Variants in HPCAL1 observed in about 807,000 individuals in gnomAD.
The protein encoded by HPCAL1 is hippocalcin like 1, also known as hippocalcin-like protein 1.
In HPCAL1, 8 loss-of-function variants were observed where a neutral mutation model predicts 17.1. The observed-to-expected ratio is 0.47, with a 90% confidence interval of 0.27 to 0.84. HPCAL1 has a LOEUF of 0.84. Among genes scored for constraint, HPCAL1 ranks in the 40% least tolerant of loss-of-function variants. The pLI is 0.13. For synonymous variants in HPCAL1, 112 were observed against 111.4 expected (o/e 1.01, Z -0.03); for missense variants, 165 against 271.1 (o/e 0.61, Z 2.75).
chr2:10,321,214 T>G (rs974731128), intron 1 of HPCAL1, among the ~76,000 whole-genome samples: 2 of 152,034 alleles, frequency 1.3e-5, no homozygotes, highest in African/African-American at 4.8e-5. Flanking sequence ...AAATGCAAGG[T>G]GCCACACACT....
At chr2:10,322,926 G>A (rs1478274655) in intron 1 of HPCAL1, among the ~76,000 whole-genome samples, 1 of 152,154 alleles carries the variant, frequency 6.6e-6, no homozygotes, top group East Asian at 1.9e-4. Context: ...GTCCAACATT[G>A]TCCCCAAGTC....
intron 1 of HPCAL1, among the ~76,000 whole-genome samples, chr2:10,339,070 C>T (rs1234589299): frequency 2.0e-5 from 3 of 152,180 alleles, no homozygotes; most frequent in South Asian, 4.1e-4. Context: ...CAGACAGACA[C>T]ACATGCCAGG....
chr2:10,324,991 T>TC (rs1206563473), intron 1 of HPCAL1, among the ~76,000 whole-genome samples: 1 of 140,450 alleles, frequency 7.1e-6, no homozygotes, highest in East Asian at 1.9e-4. Flanking sequence ...CCCAGCAATT[T>TC]TTTTTTTTTT....
At position 10,377,702 on chromosome 2, in the gene HPCAL1, G is replaced by A. The variant is rs906325674; in HGVS notation, c.-110-19133G>A. Among the ~76,000 whole-genome samples, 1 of 152,076 alleles carries A rather than the reference G, an allele frequency of 6.6e-6. No individual in the cohort carries two copies. The highest frequency in any genetic ancestry group is 1.5e-5 in the Non-Finnish European group (1 of 68,014). Reference sequence around the variant, plus strand: ...TGCACTCTGAGGGCAGACCCTGGCCGGGCACCAAGATACAAAAGGTTATGA... The same window carrying A: ...TGCACTCTGAGGGCAGACCCTGGCCAGGCACCAAGATACAAAAGGTTATGA... On this transcript the variant is annotated intron_variant, in intron 1 of 4. Coordinates refer to ENST00000307845, the MANE Select transcript of HPCAL1 (RefSeq NM_002149.4). The surrounding 1 kb of genome is among the most constrained non-coding windows in gnomAD (Gnocchi z 5.9).
intron 2 of HPCAL1, among the ~76,000 whole-genome samples, chr2:10,404,773 C>A (rs1242393094): frequency 1.3e-5 from 2 of 152,224 alleles, no homozygotes; most frequent in Admixed American, 1.3e-4. Flanking sequence ...ATTTCACTCA[C>A]CCTGCCCCAG....
At chr2:10,309,069 C>A (rs1470873602) in intron 1 of HPCAL1, among the ~76,000 whole-genome samples, 1 of 151,752 alleles carries the variant, frequency 6.6e-6, no homozygotes, top group Non-Finnish European at 1.5e-5. Flanking sequence ...GGGTCTTGCT[C>A]TGTTGCCCAG....
intron 1 of HPCAL1, among the ~76,000 whole-genome samples, chr2:10,329,316 C>T (rs1664206430): frequency 6.6e-6 from 1 of 152,174 alleles, no homozygotes; most frequent in African/African-American, 2.4e-5. Flanking sequence ...AGATTGAGGA[C>T]CTTGAGGTGG....
At chr2:10,353,494 T>A (rs546596148) in intron 1 of HPCAL1, among the ~76,000 whole-genome samples, 51 of 152,320 alleles carry the variant, frequency 3.3e-4, no homozygotes, top group African/African-American at 1.1e-3. Context: ...GCAACTGGTT[T>A]GTCTTTTAGA....
At chr2:10,328,718 A>G (rs1207975524) in intron 1 of HPCAL1, among the ~76,000 whole-genome samples, 1 of 152,150 alleles carries the variant, frequency 6.6e-6, no homozygotes. Context: ...CCATAATAAC[A>G]TGAACCAATT....
intron 2 of HPCAL1, among the ~76,000 whole-genome samples, chr2:10,416,083 G>C (rs1186035745): frequency 6.6e-6 from 1 of 152,184 alleles, no homozygotes; most frequent in Non-Finnish European, 1.5e-5. Context: ...CTTCACAATG[G>C]CCCAGGCCCT....
rs192690542 is a variant in HPCAL1, at chr2:10,404,386, G to A, written c.-25+7466G>A. Among the ~76,000 whole-genome samples, 24 of 152,292 alleles carry A rather than the reference G, an allele frequency of 1.6e-4. No homozygotes were observed. The East Asian group carries it at 4.6e-3, about 29-fold the overall frequency. Reference sequence around the variant, plus strand: ...GCTGGGTGAGTGTTTCCCCAGCCCCGCTGAGCTCAGGTATCAGCCCCAGCG... The same window carrying A: ...GCTGGGTGAGTGTTTCCCCAGCCCCACTGAGCTCAGGTATCAGCCCCAGCG... On this transcript the variant is annotated intron_variant, in intron 2 of 4. Coordinates refer to ENST00000307845, the MANE Select transcript of HPCAL1 (RefSeq NM_002149.4).
chr2:10,389,012 C>G (rs778096262), intron 1 of HPCAL1, among the ~76,000 whole-genome samples: 11 of 152,070 alleles, frequency 7.2e-5, no homozygotes, highest in African/African-American at 2.7e-4. Context: ...ACGTAGGAGG[C>G]GGGACTCGAC....
chr2:10,314,137 GAAAA>G (rs746560522), intron 1 of HPCAL1, among the ~76,000 whole-genome samples: 1 of 128,968 alleles, frequency 7.8e-6, no homozygotes, highest in Admixed American at 7.8e-5. Flanking sequence ...CCGTCTCAGG[GAAAA>G]AAAAAAAAAA....
At chr2:10,418,446 CAAAAAAA>C (rs58884767) in intron 2 of HPCAL1, among the ~76,000 whole-genome samples, 1 of 60,166 alleles carries the variant, frequency 1.7e-5, no homozygotes, top group Non-Finnish European at 3.0e-5. Flanking sequence ...GACTCCATCT[CAAAAAAA>C]AAAAAAAAAA....
chr2:10,331,586 G>A lies in HPCAL1; in HGVS notation c.-111+28409G>A, dbSNP rs963887176. 2.6e-5 allele frequency among the ~76,000 whole-genome samples: 4 copies of A among 152,216 alleles called. No individual in the cohort carries two copies. The highest frequency in any genetic ancestry group is 5.9e-5 in the Non-Finnish European group (4 of 68,036). On this transcript the variant is annotated intron_variant, in intron 1 of 4. Transcript: ENST00000307845. The surrounding 1 kb of genome is among the most constrained non-coding windows in gnomAD (Gnocchi z 5.0). ...TGGCTGGTGGTGGAGCTGCGCTGAA[G>A]TCAGTGTGTGCTTTGGGCCCAGCTG...
rs962844550 is a variant in HPCAL1, at chr2:10,342,921, A to G, written c.-111+39744A>G. Among the ~76,000 whole-genome samples, 10 of 152,170 alleles carry G rather than the reference A, an allele frequency of 6.6e-5. No individual in the cohort carries two copies. The highest frequency in any genetic ancestry group is 8.8e-5 in the Non-Finnish European group (6 of 68,040). ...GCCTTCCCCCGGCCCCTTTTTGGAC[A>G]GGATGTTGCTCCCTGGGGCCTGGCT... On this transcript the variant is annotated intron_variant, in intron 1 of 4. Transcript: ENST00000307845. This position sits in a 1 kb window ranked among gnomAD's most constrained non-coding sequence, Gnocchi z 4.1.
At chr2:10,368,115 C>G (rs1464823049) in intron 1 of HPCAL1, among the ~76,000 whole-genome samples, 1 of 151,054 alleles carries the variant, frequency 6.6e-6, no homozygotes, top group Non-Finnish European at 1.5e-5. Flanking sequence ...TGCGCATACA[C>G]ATGTATAGGT....
At chr2:10,380,551 C>A (rs1355441293) in intron 1 of HPCAL1, among the ~76,000 whole-genome samples, 1 of 152,206 alleles carries the variant, frequency 6.6e-6, no homozygotes, top group Non-Finnish European at 1.5e-5. Context: ...CATGGTGTGT[C>A]CACAGAGGGC....
At chr2:10,319,443 A>G (rs900917709) in intron 1 of HPCAL1, among the ~76,000 whole-genome samples, 3 of 152,108 alleles carry the variant, frequency 2.0e-5, no homozygotes, top group Non-Finnish European at 4.4e-5. Flanking sequence ...GGACTCTCAG[A>G]TGAAAAATGC....
Sources: gnomAD v4.1 joint callset for allele counts (sites outside exome capture counted in the v4.1 genomes callset) on GRCh38, gnomAD v4.1.1 for gene constraint, Gnocchi (gnomAD v3.1) non-coding constraint, MANE v1.5 for transcripts, NCBI Gene and HGNC (gene_info 2026-07-23, HGNC 2026-07-21) for gene names.